NCK2: variants seen among roughly 807,000 people sequenced by gnomAD.
NCK2 encodes the protein cytoplasmic protein NCK2.
In NCK2, 16 loss-of-function variants were observed where a neutral mutation model predicts 33.9. The ratio of observed to expected loss-of-function variants is 0.47; its 90% CI spans 0.32 to 0.72. The LOEUF is 0.72. NCK2 is among the 30% of genes least tolerant of loss of function. The pLI is 0.03. For synonymous variants in NCK2, 273 were observed against 239.9 expected (o/e 1.14, Z -1.27); for missense variants, 418 against 537.3 (o/e 0.78, Z 2.19).
intron 1 of NCK2, among the ~76,000 whole-genome samples, chr2:105,755,767 C>T (rs1024096147): frequency 6.6e-6 from 1 of 151,286 alleles, no homozygotes; most frequent in African/African-American, 2.5e-5. Context: ...CATCTGTTTT[C>T]TTAGCTCAGA....
At chr2:105,814,808 CAG>C (rs1223274743) in intron 1 of NCK2, among the ~76,000 whole-genome samples, 7 of 152,328 alleles carry the variant, frequency 4.6e-5, no homozygotes, top group East Asian at 3.9e-4. Context: ...ACAGGGCACA[CAG>C]GGGGGAGGCC....
chr2:105,825,145 C>T (rs966940085), intron 2 of NCK2, among the ~76,000 whole-genome samples: 1 of 152,084 alleles, frequency 6.6e-6, no homozygotes, highest in African/African-American at 2.4e-5. Context: ...CCATGCCTAC[C>T]AGCTGTAATG....
chr2:105,783,787 G>T (rs1378560661), intron 1 of NCK2, among the ~76,000 whole-genome samples: 3 of 152,026 alleles, frequency 2.0e-5, no homozygotes, highest in African/African-American at 7.2e-5. Flanking sequence ...AGCGACTTCA[G>T]TGTGCTTCCC....
chr2:105,755,720 G>A (rs757631811), intron 1 of NCK2, among the ~76,000 whole-genome samples: 1 of 151,260 alleles, frequency 6.6e-6, no homozygotes, highest in African/African-American at 2.5e-5. Context: ...CTATAAATTC[G>A]TGGTTCTCAG....
chr2:105,764,835 C>A (rs1689885779), intron 1 of NCK2, among the ~76,000 whole-genome samples: 1 of 152,178 alleles, frequency 6.6e-6, no homozygotes, highest in African/African-American at 2.4e-5. Context: ...ATTCTTCTCA[C>A]TCTGAATATT....
chr2:105,816,808 T>C (rs1275308180), intron 2 of NCK2, among the ~76,000 whole-genome samples, 195 bp downstream of exon 2: 1 of 152,176 alleles, frequency 6.6e-6, no homozygotes, highest in African/African-American at 2.4e-5. Context: ...TCTGAGTATG[T>C]AGCCAGGAAG....
At chr2:105,761,739 G>T (rs1268527234) in intron 1 of NCK2, among the ~76,000 whole-genome samples, 1 of 152,136 alleles carries the variant, frequency 6.6e-6, no homozygotes, top group African/African-American at 2.4e-5. Context: ...AATGAGCTGG[G>T]TATGGTGGCA....
In NCK2 at chr2:105,881,344, C is replaced by T. The variant is rs1469121672; in HGVS notation, c.243C>T (p.Arg81=). Residue 81 remains arginine (R), a synonymous_variant, in exon 4 of 5, where the codon CGC becomes CGT. Transcript: ENST00000233154. Reference sequence around the variant, plus strand: ...TCTCCACAGGCCTCGGCAAGACGCGCAGGAAGACCAGCGCGCGGGATGCGT... The same window carrying T: ...TCTCCACAGGCCTCGGCAAGACGCGTAGGAAGACCAGCGCGCGGGATGCGT... ...LKDTLGLGKT[R]RKTSARDASP... The T allele has an allele frequency of 6.3e-7, 1 of 1,599,576 alleles. No individual in the cohort carries two copies. Among genetic ancestry groups the T allele is most frequent in the Non-Finnish European group, 8.5e-7 (1 of 1,175,982 alleles).
chr2:105,797,554 G>A (rs1170912931), intron 1 of NCK2, among the ~76,000 whole-genome samples: 4 of 152,342 alleles, frequency 2.6e-5, no homozygotes, highest in East Asian at 1.9e-4. Context: ...TCTTGACAGC[G>A]TCTTAGGGTC....
intron 2 of NCK2, among the ~76,000 whole-genome samples, chr2:105,819,917 T>TAA (rs35132021): frequency 6.6e-6 from 1 of 150,386 alleles, no homozygotes; most frequent in African/African-American, 2.4e-5. Flanking sequence ...TTGTAGCAGT[T>TAA]AAAAAAAAAA....
intron 2 of NCK2, among the ~76,000 whole-genome samples, chr2:105,844,498 C>T (rs1432027460): frequency 2.7e-5 from 4 of 149,884 alleles, no homozygotes; most frequent in Non-Finnish European, 5.9e-5. Context: ...CTGAGGCGGG[C>T]GGATTATGAA....
At chr2:105,769,905 C>T (rs1373720842) in intron 1 of NCK2, among the ~76,000 whole-genome samples, 1 of 152,146 alleles carries the variant, frequency 6.6e-6, no homozygotes, top group East Asian at 1.9e-4. Flanking sequence ...TTTTGACCTT[C>T]TGCTTTTTGA....
chr2:105,764,896 T>C (rs1313795837), intron 1 of NCK2, among the ~76,000 whole-genome samples: 3 of 152,232 alleles, frequency 2.0e-5, no homozygotes, highest in Non-Finnish European at 2.9e-5. Context: ...TTGTGTGATA[T>C]CCCATGGAGT....
intron 1 of NCK2, among the ~76,000 whole-genome samples, chr2:105,778,900 G>A (rs772388744): frequency 3.3e-5 from 5 of 151,650 alleles, no homozygotes; most frequent in South Asian, 2.1e-4. Flanking sequence ...TTGAGATAAT[G>A]GTTATTTTTT....
chr2:105,775,033 A>T (rs1339631690), intron 1 of NCK2, among the ~76,000 whole-genome samples: 3 of 151,686 alleles, frequency 2.0e-5, no homozygotes, highest in Non-Finnish European at 2.9e-5. Flanking sequence ...ATAATAATAT[A>T]ATAATAATAA....
At chr2:105,820,894 C>T (rs911241226) in intron 2 of NCK2, among the ~76,000 whole-genome samples, 14 of 152,118 alleles carry the variant, frequency 9.2e-5, no homozygotes, top group East Asian at 1.9e-4. Flanking sequence ...GTAAACAGGA[C>T]GGGATTTCAC....
At chr2:105,745,495 T>C (rs897401796) in intron 1 of NCK2, among the ~76,000 whole-genome samples, 36 of 151,814 alleles carry the variant, frequency 2.4e-4, no homozygotes, top group Admixed American at 9.2e-4. Flanking sequence ...AGGCTGCGCC[T>C]GGCCTGCAGG....
At chr2:105,867,998 A>G (rs1379207651) in intron 3 of NCK2, among the ~76,000 whole-genome samples, 2 of 152,150 alleles carry the variant, frequency 1.3e-5, no homozygotes, top group Non-Finnish European at 1.5e-5. Flanking sequence ...CCTTTGCTCT[A>G]TTCCATTTTA....
At chr2:105,767,062 G>T (rs1689974355) in intron 1 of NCK2, among the ~76,000 whole-genome samples, 1 of 152,124 alleles carries the variant, frequency 6.6e-6, no homozygotes, top group Non-Finnish European at 1.5e-5. Flanking sequence ...GGTCAGCCAG[G>T]TTCAGGCCCA....
Sources: allele counts gnomAD v4.1 joint callset (sites outside exome capture counted in the v4.1 genomes callset), GRCh38; gene constraint gnomAD v4.1.1; transcripts MANE v1.5; gene names NCBI Gene and HGNC (gene_info 2026-07-23, HGNC 2026-07-21).